Variants in CNTNAP1 observed in about 807,000 individuals in gnomAD.
The protein encoded by CNTNAP1 is contactin associated protein 1, also known as contactin-associated protein 1.
A neutral mutation model predicts 161.5 loss-of-function variants in CNTNAP1; 80 were observed. The observed-to-expected ratio is 0.50, with a 90% CI of 0.41 to 0.60. CNTNAP1 has a LOEUF of 0.60. Among genes scored for constraint, CNTNAP1 ranks in the 20% least tolerant of loss-of-function variants. The pLI is 0.00. For missense variants in CNTNAP1, 1,464 were observed against 1,854.8 expected, an observed-to-expected ratio of 0.79 and a Z score of 3.87; for synonymous variants, 695 against 733.1, an observed-to-expected ratio of 0.95 and a Z score of 0.84.
rs2053088154 is a variant in CNTNAP1 at position 42,691,693 on chromosome 17, G to A, written c.2345-113G>A. The A allele has an allele frequency of 5.2e-6, 7 of 1,349,754 alleles. No homozygotes were observed. Among genetic ancestry groups the A allele is most frequent in the Admixed American group, 1.8e-5 (1 of 55,008 alleles). The allele number at this position is 1,349,754 out of a possible 1,614,324, so 83.6% of individuals were successfully genotyped here. A position where few individuals can be genotyped will look rare whatever the true frequency, so the allele number is the denominator to read the frequency against. On this transcript the variant is annotated intron_variant, in intron 15 of 23. Transcript: ENST00000264638. This position sits in a 1 kb window ranked among gnomAD's most constrained non-coding sequence, Gnocchi z 4.3. ...CATTCCACTCCTTAGTCTCCCCTCC[G>A]TCACCTCAAACCCTCCCCCTTTGCC...
intron 16 of CNTNAP1, 130 bp downstream of exon 16, chr17:42,692,121 C>A: frequency 1.0e-6 from 1 of 983,918 alleles, no homozygotes; most frequent in East Asian, 2.4e-5. Flanking sequence ...TTGAGATACC[C>A]TATGTTCTAG....
In CNTNAP1 at chr17:42,686,081, C is replaced by A. The variant is rs922624124; in HGVS notation, c.840C>A (p.Asp280Glu). Reference protein sequence around the residue: ...RFGRDVNFTLDGYVQRFILNG... With the variant: ...RFGRDVNFTLEGYVQRFILNG... ...GCCGCGATGTAAATTTCACCCTGGACGGCTATGTGCAGCGCTTTATTCTCA... is the reference window on the plus strand; with the variant it reads ...GCCGCGATGTAAATTTCACCCTGGAAGGCTATGTGCAGCGCTTTATTCTCA... The change falls in exon 6 of 24, where the codon GAC becomes GAA. Residue 280 changes from aspartate to glutamate, a missense_variant. Around this residue, in one of 3 missense-constraint regions of CNTNAP1, gnomAD observed 1,383 missense variants for 1,765.0 expected, o/e 0.78. Coordinates refer to ENST00000264638, the MANE Select transcript of CNTNAP1 (RefSeq NM_003632.3). 18 of 1,614,030 alleles carry A rather than the reference C, an allele frequency of 1.1e-5. No individual in the cohort carries two copies. The highest frequency in any genetic ancestry group is 1.5e-5 in the Non-Finnish European group (18 of 1,180,044).
intron 6 of CNTNAP1, among the ~76,000 whole-genome samples, chr17:42,686,624 T>C (rs1390247798): frequency 6.6e-6 from 1 of 152,068 alleles, no homozygotes; most frequent in African/African-American, 2.4e-5. Flanking sequence ...TCCCACAACT[T>C]TGTGGAGTTG....
At chr17:42,696,242 T>C in intron 20 of CNTNAP1, 90 bp downstream of exon 20, 1 of 1,497,396 alleles carries the variant, frequency 6.7e-7, no homozygotes, top group East Asian at 2.3e-5. Flanking sequence ...TTAATATTTG[T>C]AGATCACATT....
intron 11 of CNTNAP1, 157 bp from the exon 12 acceptor site, chr17:42,689,931 G>A (rs1312587927): frequency 1.4e-6 from 1 of 733,440 alleles, no homozygotes; most frequent in Non-Finnish European, 2.3e-6. Flanking sequence ...ATTAGAGATG[G>A]GGTTTCACCA....
chr17:42,690,342 C>A (rs1442206538), intron 12 of CNTNAP1, 135 bp downstream of exon 12: 1 of 1,123,636 alleles, frequency 8.9e-7, no homozygotes. Context: ...GAATTTGTAA[C>A]CTAGCCTTAA....
At chr17:42,689,818 G>A in intron 11 of CNTNAP1, 191 bp downstream of exon 11, 3 of 591,598 alleles carry the variant, frequency 5.1e-6, no homozygotes, top group Non-Finnish European at 9.0e-6. Context: ...TGGGCTCGCT[G>A]CAACCTCTGC....
chr17:42,691,640 A>G lies in CNTNAP1; in HGVS notation c.2344+129A>G, dbSNP rs1001082990. 1 of 1,399,502 alleles carries G rather than the reference A, an allele frequency of 7.1e-7. No individual in the cohort carries two copies. The highest frequency in any genetic ancestry group is 9.9e-7 in the Non-Finnish European group (1 of 1,011,508). 86.7% of individuals were successfully genotyped at this position (1,399,502 alleles called of 1,614,324 possible). A position where few individuals can be genotyped will look rare whatever the true frequency, so the allele number is the denominator to read the frequency against. On this transcript the variant is annotated intron_variant, in intron 15 of 23. Transcript: ENST00000264638. This position sits in a 1 kb window ranked among gnomAD's most constrained non-coding sequence, Gnocchi z 4.3. ...CCAGCTCCTGCTGTGATGCGATCTC[A>G]TTACCCCTCTGCACCTGGCTCCTCT...
Position 42,691,831 on chromosome 17 carries a change from C to G in CNTNAP1, c.2370C>G (p.Phe790Leu). ...GDRNSWNTIS[F>L]HTGAALRFPP... ...GAAATTCCTGGAACACCATTTCCTT[C>G]CACACCGGGGCTGCACTACGCTTCC... is the stretch of plus-strand genomic sequence containing the variant. Residue 790 changes from phenylalanine to leucine, a missense_variant, in exon 16 of 24, where the codon TTC becomes TTG. Physicochemically the swap from Phe to Leu is conservative, Grantham distance 22. Coordinates refer to ENST00000264638, the MANE Select transcript of CNTNAP1 (RefSeq NM_003632.3). This position sits in a 1 kb window ranked among gnomAD's most constrained non-coding sequence, Gnocchi z 4.3. The G allele has an allele frequency of 6.2e-7, 1 of 1,614,118 alleles. No individual in the cohort carries two copies. The highest frequency in any genetic ancestry group is 8.5e-7 in the Non-Finnish European group (1 of 1,180,018).
rs2053098802 is a variant in CNTNAP1, at chr17:42,692,392, A to C, written c.2531-107A>C. On this transcript the variant is annotated intron_variant, in intron 16 of 23. Coordinates refer to ENST00000264638, the MANE Select transcript of CNTNAP1 (RefSeq NM_003632.3). ...CTACAGACAAATTGGAGGGATATTC[A>C]AGAAGCTCCAAAGAGGTGAGGGAAA... The C allele has an allele frequency of 1.8e-5, 17 of 930,698 alleles. No individual in the cohort carries two copies. The East Asian group carries it at 4.1e-4, about 23-fold the overall frequency. The allele number at this position is 930,698 out of a possible 1,614,324, so 57.7% of individuals were successfully genotyped here.
At chr17:42,683,696 T>C in intron 1 of CNTNAP1, 125 bp from the exon 2 acceptor site, 1 of 1,424,182 alleles carries the variant, frequency 7.0e-7, no homozygotes, top group Non-Finnish European at 9.2e-7. Context: ...AAGGTAGGGC[T>C]GGGTGTGCCT....
In CNTNAP1 at chr17:42,697,355, G is replaced by A. The variant is rs753233684; in HGVS notation, c.3556G>A (p.Gly1186Arg). The A allele has an allele frequency of 6.2e-7, 1 of 1,614,026 alleles. No homozygotes were observed. The highest frequency in any genetic ancestry group is 8.5e-7 in the Non-Finnish European group (1 of 1,179,984). The change falls in exon 21 of 24, where the codon GGG becomes AGG. Residue 1186 changes from glycine (G) to arginine (R), a missense_variant. Around this residue, in one of 3 missense-constraint regions of CNTNAP1, gnomAD observed 1,383 missense variants for 1,765.0 expected, o/e 0.78. Transcript: ENST00000264638. ...GGACTCACCCAAGGCCTTGTATTTA[G>A]GGCGTGTGATGGGTAAGCTGCGGGT... ...QLDSPKALYL[G>R]RVMETGVIDP...
intron 6 of CNTNAP1, among the ~76,000 whole-genome samples, chr17:42,686,369 C>T (rs143857329): frequency 4.3e-4 from 65 of 150,934 alleles, no homozygotes; most frequent in African/African-American, 1.6e-3. Context: ...TGACATCCTA[C>T]CTCTATTTAA....
Position 42,685,040 on chromosome 17 carries a change from A to T in CNTNAP1, c.413A>T (p.His138Leu). The T allele has an allele frequency of 6.3e-7, 1 of 1,592,136 alleles. No homozygotes were observed. The highest frequency in any genetic ancestry group is 8.5e-7 in the Non-Finnish European group (1 of 1,171,764). Residue 138 changes from histidine to leucine, a missense_variant, in exon 4 of 24, where the codon CAC becomes CTC. This residue lies in a region of CNTNAP1 where 1,383 missense variants were observed against 1,765.0 expected (regional missense o/e 0.78). Transcript: ENST00000264638. This position sits in a 1 kb window ranked among gnomAD's most constrained non-coding sequence, Gnocchi z 5.0. ...TCGGCGGTGGTGCGCCATGACCTGC[A>T]CTTCCACTTCACTGCGCGCTACATC... The part of the protein sequence containing the change: ...NESAVVRHDL[H>L]FHFTARYIRI...
chr17:42,683,623 G>A, intron 1 of CNTNAP1, 198 bp from the exon 2 acceptor site: 1 of 1,427,428 alleles, frequency 7.0e-7, no homozygotes, highest in Non-Finnish European at 9.1e-7. Flanking sequence ...TTGCCTAGAA[G>A]GAGAAGGTAG....
At position 42,693,326 on chromosome 17, in the gene CNTNAP1, G is replaced by C. The variant is rs2053114686; in HGVS notation, c.2782G>C (p.Val928Leu). 6.2e-7 allele frequency: 1 copy of C among 1,614,202 alleles called. No homozygotes were observed. Among genetic ancestry groups the C allele is most frequent in the East Asian group, 2.2e-5 (1 of 44,882 alleles). ...TGCAGAGCTTAAGAGACGCCCCTTT[G>C]TGGGTTGCTTGAGGGCCATGCGTCT... is the stretch of plus-strand genomic sequence containing the variant. Reference protein sequence around the residue: ...GSAELKRRPFVGCLRAMRLNG... With the variant: ...GSAELKRRPFLGCLRAMRLNG... The change falls in exon 18 of 24, where the codon GTG (valine) becomes CTG (leucine). Residue 928 changes from valine to leucine, a missense_variant. Val to Leu is a conservative substitution (Grantham distance 32). Transcript: ENST00000264638.
Position 42,691,737 on chromosome 17 carries a change from A to G in CNTNAP1, c.2345-69A>G. ...CTTTGCCCAACCTTCCCTGCCCCCA[A>G]CCCCAGGTTCTCTTCCTCCTCCACC... is the stretch of plus-strand genomic sequence containing the variant. On this transcript the variant is annotated intron_variant, in intron 15 of 23. Coordinates refer to ENST00000264638, the MANE Select transcript of CNTNAP1 (RefSeq NM_003632.3). This position sits in a 1 kb window ranked among gnomAD's most constrained non-coding sequence, Gnocchi z 4.3. The G allele has an allele frequency of 6.5e-7, 1 of 1,538,228 alleles. No individual in the cohort carries two copies. Among genetic ancestry groups the G allele is most frequent in the Non-Finnish European group, 8.9e-7 (1 of 1,119,508 alleles).
In CNTNAP1 at chr17:42,682,566, AG is replaced by A; in HGVS notation, c.-258del. 2.2e-6 allele frequency: 1 copy of A among 455,768 alleles called. No homozygotes were observed. The highest frequency in any genetic ancestry group is 4.0e-6 in the Non-Finnish European group (1 of 252,652). The allele number at this position is 455,768 out of a possible 1,614,324, so 28.2% of individuals were successfully genotyped here. A position where few individuals can be genotyped will look rare whatever the true frequency, so the allele number is the denominator to read the frequency against. ...CGTGCCAGGAGACAGAGGCTGGGGA[AG>A]GGGGGAGGTGAGAGGAAAGAGGGTG... On this transcript the variant is annotated 5_prime_UTR_variant, in exon 1 of 24. Coordinates refer to ENST00000264638, the MANE Select transcript of CNTNAP1 (RefSeq NM_003632.3).
chr17:42,683,971 G>A (rs749024570), intron 2 of CNTNAP1, 49 bp downstream of exon 2: 116 of 1,613,110 alleles, frequency 7.2e-5, no homozygotes, highest in Non-Finnish European at 9.6e-5. Context: ...ACCGCGGAAG[G>A]GTGGGGGCCT....
Sources: allele counts gnomAD v4.1 joint callset (sites outside exome capture counted in the v4.1 genomes callset), GRCh38; gene constraint gnomAD v4.1.1; regional missense constraint gnomAD v4.1.1; non-coding constraint Gnocchi (gnomAD v3.1); transcripts MANE v1.5; gene names NCBI Gene and HGNC (gene_info 2026-07-23, HGNC 2026-07-21).